Variants in STYXL2 observed in about 807,000 individuals in gnomAD.
STYXL2 encodes the protein serine/threonine/tyrosine-interacting-like protein 2.
A neutral mutation model predicts 52.4 loss-of-function variants in STYXL2; 44 were observed. The observed-to-expected ratio is 0.84, with a 90% CI of 0.66 to 1.08. STYXL2 has a LOEUF of 1.08. STYXL2 is among the 50% of genes least tolerant of loss of function. STYXL2 has a pLI of 0.00. For missense variants in STYXL2, 1,604 were observed against 1,471.7 expected (o/e 1.09, Z -1.47); for synonymous variants, 604 against 586.9 (o/e 1.03, Z -0.42).
intron 3 of STYXL2, among the ~76,000 whole-genome samples, chr1:167,116,167 C>T (rs981426019): frequency 2.6e-5 from 4 of 152,138 alleles, no homozygotes; most frequent in Non-Finnish European, 4.4e-5. Context: ...GTGAGAGGAA[C>T]GATTTTGTTC....
intron 5 of STYXL2, among the ~76,000 whole-genome samples, chr1:167,122,894 T>C (rs1453835069): frequency 6.6e-6 from 1 of 152,158 alleles, no homozygotes; most frequent in Admixed American, 6.5e-5. Flanking sequence ...CTCAAACTCC[T>C]GATCTCAAGT....
intron 2 of STYXL2, among the ~76,000 whole-genome samples, chr1:167,112,392 T>A (rs1667637573): frequency 6.6e-6 from 1 of 152,226 alleles, no homozygotes; most frequent in African/African-American, 2.4e-5. Context: ...AGAATTGTTC[T>A]ACTAATCAAT....
intron 2 of STYXL2, among the ~76,000 whole-genome samples, chr1:167,106,342 A>C (rs1667506794): frequency 6.6e-6 from 1 of 152,150 alleles, no homozygotes; most frequent in Non-Finnish European, 1.5e-5. Flanking sequence ...AATACTGATT[A>C]GAGATGTGAG....
At chr1:167,120,322 C>G (rs760976156) in intron 5 of STYXL2, among the ~76,000 whole-genome samples, 4 of 152,174 alleles carry the variant, frequency 2.6e-5, no homozygotes, top group Non-Finnish European at 4.4e-5. Context: ...GGGTTTGAGT[C>G]CAGGATTTGC....
At chr1:167,111,082 A>C (rs1171593007) in intron 2 of STYXL2, among the ~76,000 whole-genome samples, 2 of 152,204 alleles carry the variant, frequency 1.3e-5, no homozygotes, top group East Asian at 3.8e-4. Context: ...AAAGATGAAC[A>C]AAGCCTCCAA....
At position 167,126,082 on chromosome 1, in the gene STYXL2, G is replaced by C; in HGVS notation, c.951G>C (p.Glu317Asp). Residue 317 changes from glutamate (E) to aspartate (D), a missense_variant, in exon 6 of 6, where the codon GAG becomes GAC. Glu to Asp is a conservative substitution (Grantham distance 45). Coordinates refer to ENST00000361200, the MANE Select transcript of STYXL2 (RefSeq NM_001080426.3). ...TGCACGCCCTGACGGTGGAAGAGGAGGACGACAGCGCCAGCCACCTGAGTG... is the reference window on the plus strand; with the variant it reads ...TGCACGCCCTGACGGTGGAAGAGGACGACGACAGCGCCAGCCACCTGAGTG... ...ARVHALTVEE[E>D]DDSASHLSGS... The C allele has an allele frequency of 6.5e-7, 1 of 1,533,134 alleles. No individual in the cohort carries two copies. The highest frequency in any genetic ancestry group is 8.8e-7 in the Non-Finnish European group (1 of 1,141,348). 95.0% of individuals were successfully genotyped at this position (1,533,134 alleles called of 1,614,324 possible).
At chr1:167,124,261 G>A (rs1667917399) in intron 5 of STYXL2, among the ~76,000 whole-genome samples, 1 of 152,062 alleles carries the variant, frequency 6.6e-6, no homozygotes, top group Admixed American at 6.6e-5. Flanking sequence ...GCTGGCTCTT[G>A]GCAATAACAC....
At chr1:167,101,421 C>T (rs1590721) in intron 2 of STYXL2, among the ~76,000 whole-genome samples, 46,843 of 151,962 alleles carry the variant, frequency 0.31, 7,461 homozygotes, top group African/African-American at 0.37. Flanking sequence ...CAGTTTCTTA[C>T]AAAATTAAAC....
At chr1:167,116,120 TTCTC>T (rs796956607) in intron 3 of STYXL2, among the ~76,000 whole-genome samples, 1 of 151,842 alleles carries the variant, frequency 6.6e-6, no homozygotes, top group Non-Finnish European at 1.5e-5. Context: ...CCAGCTTCTT[TTCTC>T]TCTCTCTCTC....
At chr1:167,095,766 G>C (rs12088259) in intron 2 of STYXL2, among the ~76,000 whole-genome samples, 43,960 of 152,112 alleles carry the variant, frequency 0.29, 6,986 homozygotes, top group East Asian at 0.72. Context: ...AATAACTGAA[G>C]TGATTGAGCC....
chr1:167,127,481 T>G lies in STYXL2; in HGVS notation c.2350T>G (p.Leu784Val), dbSNP rs1303605308. The G allele has an allele frequency of 6.2e-7, 1 of 1,613,984 alleles. No individual in the cohort carries two copies. Among genetic ancestry groups the G allele is most frequent in the Admixed American group, 1.7e-5 (1 of 59,994 alleles). ...HSSSSLGGCL[L>V]PQSQARPSSD... is the part of the protein sequence containing the mutation. ...CAGCTCCTCCTTGGGTGGCTGCCTG[T>G]TGCCTCAGAGCCAGGCAAGACCCAG... Residue 784 changes from leucine (L) to valine (V), a missense_variant, in exon 6 of 6, where the codon TTG becomes GTG. Leu to Val is a conservative substitution (Grantham distance 32). Transcript: ENST00000361200.
intron 4 of STYXL2, 93 bp from the exon 5 acceptor site, chr1:167,119,156 G>C: frequency 8.5e-7 from 1 of 1,179,706 alleles, no homozygotes; most frequent in Non-Finnish European, 1.2e-6. Flanking sequence ...CCCAGCTGTG[G>C]CCCTAGACTG....
chr1:167,095,479 G>A (rs749421838), intron 2 of STYXL2, among the ~76,000 whole-genome samples: 10 of 152,172 alleles, frequency 6.6e-5, no homozygotes, highest in Non-Finnish European at 1.3e-4. Context: ...CAAGTGGCAA[G>A]ATGCCAAGAG....
chr1:167,103,662 G>T (rs545177864), intron 2 of STYXL2, among the ~76,000 whole-genome samples: 1 of 152,062 alleles, frequency 6.6e-6, no homozygotes, highest in East Asian at 1.9e-4. Context: ...GAAAATGGGC[G>T]GTTAGAGATT....
Position 167,126,143 on chromosome 1 carries a change from C to T in STYXL2, c.1012C>T (p.Pro338Ser). The T allele has an allele frequency of 6.6e-7, 1 of 1,512,022 alleles. No homozygotes were observed. The allele number at this position is 1,512,022 out of a possible 1,614,324, so 93.7% of individuals were successfully genotyped here. A position where few individuals can be genotyped will look rare whatever the true frequency, so the allele number is the denominator to read the frequency against. The change falls in exon 6 of 6, where the codon CCC becomes TCC. Residue 338 changes from proline to serine, a missense_variant. Physicochemically the swap from Pro to Ser is moderately conservative, Grantham distance 74. Transcript: ENST00000361200. ...SLGKATQASK[P>S]LTLIDEEEEE... ...GGGGAAGGCCACCCAGGCCTCCAAGCCCCTCACCCTCATAGACGAGGAGGA... is the reference window on the plus strand; with the variant it reads ...GGGGAAGGCCACCCAGGCCTCCAAGTCCCTCACCCTCATAGACGAGGAGGA...
At position 167,127,516 on chromosome 1, in the gene STYXL2, G is replaced by A. The variant is rs1558028601; in HGVS notation, c.2385G>A (p.Met795Ile). 6.2e-7 allele frequency: 1 copy of A among 1,614,110 alleles called. No homozygotes were observed. The highest frequency in any genetic ancestry group is 1.1e-5 in the South Asian group (1 of 91,078). ...GCCAGGCAAGACCCAGCTCTGACAT[G>A]CAGTCTGTGCTGTCCTGCAACACCA... Reference protein sequence around the residue: ...PQSQARPSSDMQSVLSCNTTL... With the variant: ...PQSQARPSSDIQSVLSCNTTL... Residue 795 changes from methionine to isoleucine, a missense_variant, in exon 6 of 6, where the codon ATG (methionine) becomes ATA (isoleucine). Transcript: ENST00000361200.
rs575149224 is a variant in STYXL2 at position 167,095,064 on chromosome 1, T to A, written c.110+105T>A. The A allele has an allele frequency of 2.9e-5, 22 of 755,118 alleles. No homozygotes were observed. The East Asian group carries it at 4.0e-4, about 14-fold the overall frequency. The allele number at this position is 755,118 out of a possible 1,614,324, so 46.8% of individuals were successfully genotyped here. On this transcript the variant is annotated intron_variant, in intron 2 of 5. Transcript: ENST00000361200. ...GCCTGCAGCCATCACCTCGGTTCACTCATTTAACAAATATTATTGAGTACT... is the reference window on the plus strand; with the variant it reads ...GCCTGCAGCCATCACCTCGGTTCACACATTTAACAAATATTATTGAGTACT...
chr1:167,127,331 AC>A lies in STYXL2; in HGVS notation c.2203del (p.Ala736LeufsTer19). 2 of 1,614,104 alleles carry A rather than the reference AC, an allele frequency of 1.2e-6. No individual in the cohort carries two copies. The highest frequency in any genetic ancestry group is 1.7e-6 in the Non-Finnish European group (2 of 1,180,006). ...QNWIANVVSE[T>X]LAQKQNEMLL... ...CTGGATTGCCAATGTAGTCAGTGAG[AC>A]CCTTGCTCAGAAGCAAAATGAAATG... On this transcript the variant is annotated frameshift_variant, in exon 6 of 6. Coordinates refer to ENST00000361200, the MANE Select transcript of STYXL2 (RefSeq NM_001080426.3). LOFTEE classifies it high-confidence loss of function.
In STYXL2 at chr1:167,128,619, A is replaced by G; in HGVS notation, c.*11A>G. 1 of 1,601,852 alleles carries G rather than the reference A, an allele frequency of 6.2e-7. No homozygotes were observed. Among genetic ancestry groups the G allele is most frequent in the Non-Finnish European group, 8.5e-7 (1 of 1,176,574 alleles). ...AGGAGGGAGGACTGAGCTGGGGAAA[A>G]TCTGAGAACACTGAAAGAAACCACT... On this transcript the variant is annotated 3_prime_UTR_variant, in exon 6 of 6. Coordinates refer to ENST00000361200, the MANE Select transcript of STYXL2 (RefSeq NM_001080426.3).
Sources: allele counts gnomAD v4.1 joint callset (sites outside exome capture counted in the v4.1 genomes callset), GRCh38; gene constraint gnomAD v4.1.1; transcripts MANE v1.5; gene names NCBI Gene and HGNC (gene_info 2026-07-23, HGNC 2026-07-21).